Variants in CYP19A1 observed in about 807,000 individuals in gnomAD.
CYP19A1 encodes the protein aromatase.
In CYP19A1, 32 loss-of-function variants were observed where a neutral mutation model predicts 44.4. That is an observed-to-expected ratio of 0.72 (90% CI 0.54 to 0.97). The LOEUF is 0.97. CYP19A1 is among the 50% of genes least tolerant of loss of function. The pLI is 0.00. For missense variants in CYP19A1, 598 were observed against 637.8 expected (o/e 0.94, Z 0.67); for synonymous variants, 212 against 215.6 (o/e 0.98, Z 0.14).
At chr15:51,312,481 T>G (rs1338394425) in intron 1 of CYP19A1, 9 of 152,248 alleles carry the variant, frequency 5.9e-5, no homozygotes, top group African/African-American at 2.2e-4. Flanking sequence ...CTGAGAGAAG[T>G]GGAGGTTTTC....
At chr15:51,265,647 C>T (rs1239595927) in intron 1 of CYP19A1, among the ~76,000 whole-genome samples, 1 of 152,150 alleles carries the variant, frequency 6.6e-6, no homozygotes, top group Non-Finnish European at 1.5e-5. Flanking sequence ...TTTACATTTG[C>T]TTTCGTTGTC....
At chr15:51,235,192 G>T (rs2033311505) in intron 3 of CYP19A1, among the ~76,000 whole-genome samples, 1 of 152,122 alleles carries the variant, frequency 6.6e-6, no homozygotes, top group Non-Finnish European at 1.5e-5. Flanking sequence ...CTTAAATTTG[G>T]CTGACTAGAG....
At chr15:51,219,316 A>G (rs1027715226) in intron 5 of CYP19A1, among the ~76,000 whole-genome samples, 12 of 152,254 alleles carry the variant, frequency 7.9e-5, no homozygotes, top group Non-Finnish European at 1.3e-4. Flanking sequence ...CTCTTTAATT[A>G]AATTGAATAC....
At chr15:51,243,968 T>C (rs1219731611) in intron 1 of CYP19A1, among the ~76,000 whole-genome samples, 2 of 152,170 alleles carry the variant, frequency 1.3e-5, no homozygotes, top group Non-Finnish European at 2.9e-5. Context: ...TGAGTCATCA[T>C]TAAATGCATT....
chr15:51,330,254 A>G (rs1455447174), intron 1 of CYP19A1, among the ~76,000 whole-genome samples: 1 of 152,154 alleles, frequency 6.6e-6, no homozygotes, highest in East Asian at 1.9e-4. Flanking sequence ...CTCACAAACT[A>G]GCAGACTGGG....
At chr15:51,332,919 T>A (rs2470169) in intron 1 of CYP19A1, among the ~76,000 whole-genome samples, 1 of 152,194 alleles carries the variant, frequency 6.6e-6, no homozygotes, top group African/African-American at 2.4e-5. Context: ...TTCTGGAATT[T>A]CTCAACCTAT....
chr15:51,239,602 T>C (rs2033622241), intron 2 of CYP19A1, among the ~76,000 whole-genome samples: 1 of 151,854 alleles, frequency 6.6e-6, no homozygotes, highest in Non-Finnish European at 1.5e-5. Context: ...TAACCTGTAT[T>C]CTCTGGGATG....
At chr15:51,336,586 T>C (rs528510838) in intron 1 of CYP19A1, among the ~76,000 whole-genome samples, 29 of 152,240 alleles carry the variant, frequency 1.9e-4, no homozygotes, top group African/African-American at 6.3e-4. Flanking sequence ...AAGACAAGAA[T>C]ACCCAAGTGC....
Position 51,242,807 on chromosome 15 carries a change from GA to G in CYP19A1, c.105del (p.Leu36SerfsTer71). 2 of 1,587,798 alleles carry G rather than the reference GA, an allele frequency of 1.3e-6. No individual in the cohort carries two copies. Among genetic ancestry groups the G allele is most frequent in the Non-Finnish European group, 1.7e-6 (2 of 1,156,058 alleles). On this transcript the variant is annotated frameshift_variant, in exon 2 of 10. Transcript: ENST00000396402. LOFTEE classifies it high-confidence loss of function. Reference sequence around the variant, plus strand: ...GTGCCCTCATAATTCCACACCAAGAGAAAAAGGCCAGTGAGGAGCAGGACTG... The same window carrying G: ...GTGCCCTCATAATTCCACACCAAGAGAAAAGGCCAGTGAGGAGCAGGACTG... The part of the protein sequence containing the change: ...TMPVLLLTGL[F>X]LLVWNYEGTS...
intron 1 of CYP19A1, among the ~76,000 whole-genome samples, chr15:51,331,333 C>T (rs2036697951): frequency 6.6e-6 from 1 of 152,142 alleles, no homozygotes; most frequent in African/African-American, 2.4e-5. Flanking sequence ...AGAATGAGAG[C>T]TTGCTGATAA....
chr15:51,305,844 A>T (rs1470763490), intron 1 of CYP19A1, among the ~76,000 whole-genome samples: 1 of 152,196 alleles, frequency 6.6e-6, no homozygotes, highest in Non-Finnish European at 1.5e-5. Flanking sequence ...TACAAGCATG[A>T]GCCACTGCGC....
chr15:51,210,922 C>T lies in CYP19A1; in HGVS notation c.1398G>A (p.Gln466=), dbSNP rs2030899478. The T allele has an allele frequency of 1.2e-6, 2 of 1,606,204 alleles. No individual in the cohort carries two copies. Among genetic ancestry groups the T allele is most frequent in the Non-Finnish European group, 1.7e-6 (2 of 1,172,958 alleles). The change falls in exon 10 of 10, where the codon CAG becomes CAA. Residue 466 remains glutamine (Q), a synonymous_variant. Transcript: ENST00000396402. The part of the protein sequence containing the change: ...RRFHVKTLQG[Q]CVESIQKIHD... ...GTATCTTCTGTATGCTCTCAACACA[C>T]TGTCCTTGCAATGTCTTCACGTGGA...
At chr15:51,303,584 T>G (rs16964254) in intron 1 of CYP19A1, among the ~76,000 whole-genome samples, 29,974 of 151,730 alleles carry the variant, frequency 0.2, 5,883 homozygotes, top group African/African-American at 0.49. Flanking sequence ...CTTCTGAAAG[T>G]CAGTGTCCAT....
chr15:51,249,106 ATTT>A (rs2141138061), intron 1 of CYP19A1, among the ~76,000 whole-genome samples: 1 of 151,690 alleles, frequency 6.6e-6, no homozygotes, highest in African/African-American at 2.4e-5. Flanking sequence ...CGCCCGTCCA[ATTT>A]TTGTATTTTT....
intron 1 of CYP19A1, among the ~76,000 whole-genome samples, chr15:51,309,322 GAAAT>G (rs989610759): frequency 1.3e-5 from 2 of 152,178 alleles, no homozygotes; most frequent in African/African-American, 4.8e-5. Context: ...AGAACAATGA[GAAAT>G]AAATGTTTGT....
Position 51,212,342 on chromosome 15 carries a change from G to A in CYP19A1, c.1241C>T (p.Thr414Ile). 3 of 1,601,270 alleles carry A rather than the reference G, an allele frequency of 1.9e-6. No homozygotes were observed. Among genetic ancestry groups the A allele is most frequent in the Non-Finnish European group, 2.6e-6 (3 of 1,168,240 alleles). Residue 414 changes from threonine to isoleucine, a missense_variant, in exon 9 of 10, where the codon ACT becomes ATT. By Grantham distance (89) the Thr-to-Ile change is moderately conservative. Coordinates refer to ENST00000396402, the MANE Select transcript of CYP19A1 (RefSeq NM_000103.4). Reference protein sequence around the residue: ...LEFFPKPNEFTLENFAKNVPY... With the variant: ...LEFFPKPNEFILENFAKNVPY... ...TACATTCTTTGCAAAATTTTCAAGA[G>A]TAAATTCATTGGGTTTGGGGAAAAA... is the stretch of plus-strand genomic sequence containing the variant.
At position 51,215,242 on chromosome 15, in the gene CYP19A1, T is replaced by C; in HGVS notation, c.859-10A>G. On this transcript the variant is annotated splice_polypyrimidine_tract_variant and intron_variant, in intron 7 of 9. Transcript: ENST00000396402. ...TCAGGTCACCACGTTTCTGAACAATTGGAAGATGGGAAAAATTTGGAAAAG... is the reference window on the plus strand; with the variant it reads ...TCAGGTCACCACGTTTCTGAACAATCGGAAGATGGGAAAAATTTGGAAAAG... The C allele has an allele frequency of 6.2e-7, 1 of 1,613,956 alleles. No individual in the cohort carries two copies. The highest frequency in any genetic ancestry group is 8.5e-7 in the Non-Finnish European group (1 of 1,179,950).
At chr15:51,324,452 G>C (rs930775256) in intron 1 of CYP19A1, among the ~76,000 whole-genome samples, 1 of 152,204 alleles carries the variant, frequency 6.6e-6, no homozygotes, top group African/African-American at 2.4e-5. Context: ...AAAGAGAGGG[G>C]CCATCACACT....
chr15:51,258,053 A>G (rs2034579618), intron 1 of CYP19A1, among the ~76,000 whole-genome samples: 1 of 152,250 alleles, frequency 6.6e-6, no homozygotes, highest in African/African-American at 2.4e-5. Context: ...AGTCCAGAAT[A>G]GAAGCAACTT....
Sources: gnomAD v4.1 joint callset for allele counts (sites outside exome capture counted in the v4.1 genomes callset) on GRCh38, gnomAD v4.1.1 for gene constraint, MANE v1.5 for transcripts, NCBI Gene and HGNC (gene_info 2026-07-23, HGNC 2026-07-21) for gene names.